The following NEMP2 variants were observed in gnomAD, a reference collection of about 807,000 sequenced individuals.
NEMP2 encodes nuclear envelope integral membrane protein 2.
A neutral mutation model predicts 54.2 loss-of-function variants in NEMP2; 53 were observed. That is an observed-to-expected ratio of 0.98 (90% CI 0.78 to 1.23). NEMP2 has a LOEUF of 1.23. Among genes scored for constraint, NEMP2 ranks in the 50% most tolerant of loss-of-function variants. The pLI, the probability that NEMP2 is intolerant of heterozygous loss-of-function variation, is 0.00. For synonymous variants in NEMP2, 197 were observed against 190.3 expected (o/e 1.04, Z -0.29); for missense variants, 455 against 511.3 (o/e 0.89, Z 1.06).
the NEMP2 span, among the ~76,000 whole-genome samples, chr2:190,443,520 A>T: frequency 6.6e-6 from 1 of 152,230 alleles, no homozygotes. This position sits in a 1 kb window ranked among gnomAD's most constrained non-coding sequence, Gnocchi z 4.2. Context: ...TAAAAATACA[A>T]GTTGACAGTA....
the NEMP2 span, among the ~76,000 whole-genome samples, chr2:190,547,510 C>A: frequency 1.3e-5 from 2 of 152,074 alleles, no homozygotes; most frequent in African/African-American, 2.4e-5. This position sits in a 1 kb window ranked among gnomAD's most constrained non-coding sequence, Gnocchi z 6.2. Context: ...TCCTAAATAG[C>A]AAAATTGCAA....
chr2:190,538,104 A>G (rs1282747076), upstream of NEMP2, among the ~76,000 whole-genome samples: 2 of 152,172 alleles, frequency 1.3e-5, no homozygotes, highest in African/African-American at 4.8e-5. This position sits in a 1 kb window ranked among gnomAD's most constrained non-coding sequence, Gnocchi z 4.1. Flanking sequence ...CAGGGAAAAA[A>G]AGGCAATCTC....
chr2:190,557,815 A>G, the NEMP2 span, among the ~76,000 whole-genome samples: 1 of 152,210 alleles, frequency 6.6e-6, no homozygotes, highest in Non-Finnish European at 1.5e-5. Flanking sequence ...TTAAAAAGTC[A>G]GGAAACAAAA....
chr2:190,448,249 C>A, the NEMP2 span, among the ~76,000 whole-genome samples: 1 of 152,220 alleles, frequency 6.6e-6, no homozygotes, highest in Non-Finnish European at 1.5e-5. Flanking sequence ...CAATTTAGCA[C>A]TCTATGCTCA....
At chr2:190,433,566 G>A in the NEMP2 span, among the ~76,000 whole-genome samples, 3 of 152,252 alleles carry the variant, frequency 2.0e-5, no homozygotes, top group South Asian at 2.1e-4. The surrounding 1 kb of genome is among the most constrained non-coding windows in gnomAD (Gnocchi z 4.5). Flanking sequence ...GTAAATTACC[G>A]CTGAATTGTT....
chr2:190,581,572 A>T, the NEMP2 span, among the ~76,000 whole-genome samples: 1 of 152,222 alleles, frequency 6.6e-6, no homozygotes, highest in Admixed American at 6.5e-5. Context: ...GTGCGTGCAC[A>T]TGATTCTGAC....
At chr2:190,640,095 C>T in the NEMP2 span, among the ~76,000 whole-genome samples, 1 of 152,062 alleles carries the variant, frequency 6.6e-6, no homozygotes, top group African/African-American at 2.4e-5. Flanking sequence ...TTGCTCTGTT[C>T]TATTTTTACC....
At position 190,530,513 on chromosome 2, in the gene NEMP2, C is replaced by A. The variant is rs981550153; in HGVS notation, c.97+4046G>T. Among the ~76,000 whole-genome samples, 4 of 152,202 alleles carry A rather than the reference C, an allele frequency of 2.6e-5. No homozygotes were observed. The East Asian group carries it at 7.7e-4, about 29-fold the overall frequency. ...CGGGCTATTTGGACTAGGCAAAAGA[C>A]AGTGATTGTCACAAGACTGTTATCA... is the stretch of plus-strand genomic sequence containing the variant. On this transcript the variant is annotated intron_variant, in intron 1 of 8. Coordinates refer to ENST00000409150, the MANE Select transcript of NEMP2 (RefSeq NM_001142645.2). The surrounding 1 kb of genome is among the most constrained non-coding windows in gnomAD (Gnocchi z 4.6).
chr2:190,575,751 G>C, the NEMP2 span, among the ~76,000 whole-genome samples: 2 of 152,186 alleles, frequency 1.3e-5, no homozygotes, highest in African/African-American at 4.8e-5. Flanking sequence ...AGCTACTTGG[G>C]AGGCTGAGGC....
the NEMP2 span, among the ~76,000 whole-genome samples, chr2:190,567,045 T>C: frequency 6.6e-6 from 1 of 152,028 alleles, no homozygotes; most frequent in Non-Finnish European, 1.5e-5. The surrounding 1 kb of genome is among the most constrained non-coding windows in gnomAD (Gnocchi z 4.0). Context: ...AAAGGGAAAC[T>C]ATAGAAAATA....
At chr2:190,534,359 C>A in intron 1 of NEMP2, 200 bp downstream of exon 1, 1 of 1,203,884 alleles carries the variant, frequency 8.3e-7, no homozygotes. Context: ...TGTCCAACTG[C>A]CAGGCGAGAG....
chr2:190,526,726 A>G (rs1370472496), intron 1 of NEMP2, among the ~76,000 whole-genome samples: 2 of 152,204 alleles, frequency 1.3e-5, no homozygotes, highest in Non-Finnish European at 2.9e-5. Context: ...AAGTTTGTAC[A>G]GGGAAGTGGG....
At position 190,534,618 on chromosome 2, in the gene NEMP2, C is replaced by A; in HGVS notation, c.38G>T (p.Trp13Leu). 7.3e-7 allele frequency: 1 copy of A among 1,373,150 alleles called. No homozygotes were observed. Among genetic ancestry groups the A allele is most frequent in the South Asian group, 1.7e-5 (1 of 60,038 alleles). The allele number at this position is 1,373,150 out of a possible 1,614,324, so 85.1% of individuals were successfully genotyped here. ...GGGCAGTGTGGCCAGGGGCGGCAGC[C>A]AGAGCAGCAGCCACCACCGCCCTTG... ...PRQGRWWLLL[W>L]LPPLATLPVR... Residue 13 changes from tryptophan to leucine, a missense_variant, in exon 1 of 9, where the codon TGG becomes TTG. Coordinates refer to ENST00000409150, the MANE Select transcript of NEMP2 (RefSeq NM_001142645.2).
chr2:190,514,790 G>T lies in NEMP2; in HGVS notation c.728-112C>A. ...AAACTATTAGAGAACCTTAATTTTTGTGTTTTTTACCCCATAAAGTAAGGT... is the reference window on the plus strand; with the variant it reads ...AAACTATTAGAGAACCTTAATTTTTTTGTTTTTTACCCCATAAAGTAAGGT... On this transcript the variant is annotated intron_variant, in intron 6 of 8. Transcript: ENST00000409150. The surrounding 1 kb of genome is among the most constrained non-coding windows in gnomAD (Gnocchi z 5.7). 2 of 1,059,500 alleles carry T rather than the reference G, an allele frequency of 1.9e-6. No homozygotes were observed. The highest frequency in any genetic ancestry group is 1.4e-6 in the Non-Finnish European group (1 of 733,666). 65.6% of individuals were successfully genotyped at this position (1,059,500 alleles called of 1,614,324 possible).
chr2:190,561,251 G>C, the NEMP2 span, among the ~76,000 whole-genome samples: 2 of 152,188 alleles, frequency 1.3e-5, no homozygotes, highest in Non-Finnish European at 2.9e-5. The surrounding 1 kb of genome is among the most constrained non-coding windows in gnomAD (Gnocchi z 5.4). Flanking sequence ...AAGTAGGAGA[G>C]AGAAACCCCT....
At chr2:190,451,089 A>G in the NEMP2 span, among the ~76,000 whole-genome samples, 3 of 152,196 alleles carry the variant, frequency 2.0e-5, no homozygotes, top group Non-Finnish European at 4.4e-5. The surrounding 1 kb of genome is among the most constrained non-coding windows in gnomAD (Gnocchi z 5.0). Flanking sequence ...ATCGTTGAGT[A>G]GTGTAGTAGT....
the NEMP2 span, among the ~76,000 whole-genome samples, chr2:190,636,157 C>T: frequency 6.6e-6 from 1 of 152,220 alleles, no homozygotes; most frequent in Admixed American, 6.5e-5. Flanking sequence ...TTTCTATGTT[C>T]TTAATCCTAG....
chr2:190,436,381 G>T, the NEMP2 span: 1 of 1,614,160 alleles, frequency 6.2e-7, no homozygotes, highest in Non-Finnish European at 8.5e-7. This position sits in a 1 kb window ranked among gnomAD's most constrained non-coding sequence, Gnocchi z 5.3. Flanking sequence ...ATTCTGCAGT[G>T]CCCCCTTTTG....
At chr2:190,460,457 G>A in the NEMP2 span, among the ~76,000 whole-genome samples, 2 of 152,222 alleles carry the variant, frequency 1.3e-5, no homozygotes, top group East Asian at 1.9e-4. Flanking sequence ...CTAGCACTTA[G>A]CATAGAGTAT....
Sources: allele counts gnomAD v4.1 joint callset (sites outside exome capture counted in the v4.1 genomes callset), GRCh38; gene constraint gnomAD v4.1.1; non-coding constraint Gnocchi (gnomAD v3.1); transcripts MANE v1.5; gene names NCBI Gene and HGNC (gene_info 2026-07-23, HGNC 2026-07-21).